Variants in ACSL6 observed in about 807,000 individuals in gnomAD.
ACSL6 encodes acyl-CoA synthetase long chain family member 6, also known as long-chain-fatty-acid--CoA ligase 6.
ACSL6 carries 47 observed loss-of-function variants against 98.2 expected under a neutral mutation model. That is an observed-to-expected ratio of 0.48 (90% CI 0.38 to 0.61). The LOEUF is 0.61. Ranked by LOEUF, ACSL6 falls within the 20% of genes least tolerant of loss-of-function variation. The pLI is 0.00. For missense variants in ACSL6, 761 were observed against 913.4 expected, an observed-to-expected ratio of 0.83 and a Z score of 2.15; for synonymous variants, 362 against 336.9, an observed-to-expected ratio of 1.07 and a Z score of -0.82.
chr5:131,989,298 T>C (rs1026895144), intron 5 of ACSL6, 109 bp downstream of exon 5: 41 of 1,081,102 alleles, frequency 3.8e-5, no homozygotes, highest in Non-Finnish European at 5.3e-5. Flanking sequence ...CAAGGGTCTC[T>C]GTTTTTTCTT....
At chr5:132,000,129 C>T (rs2126940941) in intron 1 of ACSL6, among the ~76,000 whole-genome samples, 1 of 152,186 alleles carries the variant, frequency 6.6e-6, no homozygotes. Flanking sequence ...CAGGGGCTGC[C>T]TCTGCTCCCC....
At chr5:132,011,926 G>C, upstream of ACSL6, 1 of 1,555,616 alleles carries the variant, frequency 6.4e-7, no homozygotes, top group Non-Finnish European at 8.7e-7. The surrounding 1 kb of genome is among the most constrained non-coding windows in gnomAD (Gnocchi z 5.4). Context: ...GGCATTCTGC[G>C]GAAACCGGCT....
At chr5:131,960,048 G>A (rs189350219) in intron 19 of ACSL6, among the ~76,000 whole-genome samples, 255 of 152,338 alleles carry the variant, frequency 1.7e-3, no homozygotes, top group Middle Eastern at 3.4e-3. Context: ...TCAGGAAGGT[G>A]TGAGTAGCTA....
intron 1 of ACSL6, among the ~76,000 whole-genome samples, chr5:132,002,204 C>T (rs1289492944): frequency 6.6e-6 from 1 of 152,340 alleles, no homozygotes; most frequent in South Asian, 2.1e-4. Context: ...CTGGCCAGGC[C>T]CTCCTGTGCA....
In ACSL6 at chr5:131,965,533, A is replaced by C. The variant is rs951179040; in HGVS notation, c.1713+883T>G. ...TCAGGGGTTTGAGATCAGCCTGGCC[A>C]ATGTGTTGAAACCCTGTTTCTATTA... On this transcript the variant is annotated intron_variant, in intron 17 of 20. Transcript: ENST00000651883. Among the ~76,000 whole-genome samples, 5 of 152,270 alleles carry C rather than the reference A, an allele frequency of 3.3e-5. No homozygotes were observed. The South Asian group carries it at 8.3e-4, about 25-fold the overall frequency.
intron 1 of ACSL6, among the ~76,000 whole-genome samples, chr5:132,001,023 C>T (rs1033070735): frequency 6.6e-6 from 1 of 152,104 alleles, no homozygotes; most frequent in Non-Finnish European, 1.5e-5. Flanking sequence ...CAACCCACCC[C>T]GATTAAAATG....
At chr5:131,993,855 G>A in intron 2 of ACSL6, 176 bp downstream of exon 2, 1 of 636,462 alleles carries the variant, frequency 1.6e-6, no homozygotes, top group Non-Finnish European at 2.7e-6. Context: ...GGCAGAAGGA[G>A]TGCCTGGTAG....
upstream of ACSL6, chr5:132,011,772 C>G (rs562827040): frequency 3.0e-6 from 4 of 1,350,642 alleles, no homozygotes; most frequent in Non-Finnish European, 3.8e-6. This position sits in a 1 kb window ranked among gnomAD's most constrained non-coding sequence, Gnocchi z 5.4. Context: ...AGCCTTACTC[C>G]CTGCCCTGCA....
In ACSL6 at chr5:131,967,923, G is replaced by A. The variant is rs376960167; in HGVS notation, c.1596+17C>T. The A allele has an allele frequency of 2.6e-4, 425 of 1,610,558 alleles. 1 individual carries two copies. The highest frequency in any genetic ancestry group is 3.1e-4 in the Non-Finnish European group (365 of 1,177,210). On this transcript the variant is annotated intron_variant, in intron 16 of 20. Transcript: ENST00000651883. ...CATGTAGCAGCCACAGGCATGAATG[G>A]CTAAATCCTTGTTTACCTCTCCCTC...
At chr5:131,964,437 TCTCACAGA>T (rs1280681948) in intron 17 of ACSL6, among the ~76,000 whole-genome samples, 1 of 152,236 alleles carries the variant, frequency 6.6e-6, no homozygotes, top group Non-Finnish European at 1.5e-5. Flanking sequence ...AAAAATGGAC[TCTCACAGA>T]CTACCTGCCT....
intron 3 of ACSL6, among the ~76,000 whole-genome samples, chr5:131,990,465 C>A (rs1754444959): frequency 6.6e-6 from 1 of 152,192 alleles, no homozygotes; most frequent in Non-Finnish European, 1.5e-5. Flanking sequence ...GATACAGACA[C>A]CTGGGGACCA....
intron 9 of ACSL6, among the ~76,000 whole-genome samples, chr5:131,978,476 A>G (rs1753736755): frequency 6.6e-6 from 1 of 152,096 alleles, no homozygotes; most frequent in Non-Finnish European, 1.5e-5. Flanking sequence ...GCTGGGGGAG[A>G]AGGAAAAACA....
intron 20 of ACSL6, among the ~76,000 whole-genome samples, chr5:131,955,731 TTAAA>T (rs1414207562): frequency 4.6e-5 from 7 of 152,214 alleles, no homozygotes; most frequent in Non-Finnish European, 8.8e-5. Flanking sequence ...TAAGTTCTAC[TTAAA>T]TAAGTTTGGA....
intron 1 of ACSL6, among the ~76,000 whole-genome samples, chr5:132,006,103 A>G (rs1171672477): frequency 6.6e-6 from 1 of 151,922 alleles, no homozygotes; most frequent in Non-Finnish European, 1.5e-5. Flanking sequence ...GCCATTCCCA[A>G]CTCCCCCAGA....
At chr5:132,001,708 T>A (rs1755094002) in intron 1 of ACSL6, 1 of 152,244 alleles carries the variant, frequency 6.6e-6, no homozygotes, top group Non-Finnish European at 1.5e-5. Context: ...AGCCACCTGT[T>A]GCAACTAGCC....
Position 131,950,388 on chromosome 5 carries a change from TTGAA to T in ACSL6, c.*3842_*3845del. On this transcript the variant is annotated 3_prime_UTR_variant, in exon 21 of 21. Coordinates refer to ENST00000651883, the MANE Select transcript of ACSL6 (RefSeq NM_001009185.3). ...TTCTCATTTGGGGTATTGACCTTAC[TTGAA>T]TGCTAACCCACTTCTTATTGCAGTT... 1 of 203,776 alleles carries T rather than the reference TTGAA, an allele frequency of 4.9e-6. No individual in the cohort carries two copies. The highest frequency in any genetic ancestry group is 1.0e-5 in the Non-Finnish European group (1 of 99,318). The allele number at this position is 203,776 out of a possible 1,614,324, so 12.6% of individuals were successfully genotyped here.
At chr5:131,975,069 T>G in intron 10 of ACSL6, 99 bp from the exon 11 acceptor site, 1 of 1,476,572 alleles carries the variant, frequency 6.8e-7, no homozygotes, top group Admixed American at 2.1e-5. Context: ...TCCTGGAGGG[T>G]AAACAGGAAG....
intron 1 of ACSL6, among the ~76,000 whole-genome samples, chr5:131,995,362 T>C (rs1754743565): frequency 1.3e-5 from 2 of 152,080 alleles, no homozygotes; most frequent in Admixed American, 6.5e-5. Flanking sequence ...GTATCAAGGG[T>C]GGGCCAGGTG....
rs1752139404 is a variant in ACSL6, at chr5:131,951,188, A to C, written c.*3046T>G. 9.5e-6 allele frequency: 2 copies of C among 210,498 alleles called. No individual in the cohort carries two copies. The highest frequency in any genetic ancestry group is 1.5e-3 in the Middle Eastern group (1 of 660). 13.0% of individuals were successfully genotyped at this position (210,498 alleles called of 1,614,324 possible). On this transcript the variant is annotated 3_prime_UTR_variant, in exon 21 of 21. Coordinates refer to ENST00000651883, the MANE Select transcript of ACSL6 (RefSeq NM_001009185.3). ...GCCAAACATTTAAGAACATATTTAC[A>C]CTTAAGGAACTGATTATCTGTTATA...
Sources: gnomAD v4.1 joint callset for allele counts (sites outside exome capture counted in the v4.1 genomes callset) on GRCh38, gnomAD v4.1.1 for gene constraint, Gnocchi (gnomAD v3.1) non-coding constraint, MANE v1.5 for transcripts, NCBI Gene and HGNC (gene_info 2026-07-23, HGNC 2026-07-21) for gene names.